The following PRICKLE1 variants were observed in gnomAD, a reference collection of about 807,000 sequenced individuals.
PRICKLE1 encodes prickle-like protein 1.
A neutral mutation model predicts 70.2 loss-of-function variants in PRICKLE1; 14 were observed. That is an observed-to-expected ratio of 0.20 (90% CI 0.13 to 0.31). PRICKLE1 has a LOEUF of 0.31. Ranked by LOEUF, PRICKLE1 falls within the 10% of genes least tolerant of loss-of-function variation. The probability of loss-of-function intolerance (pLI) is 1.00; values close to 1 mark genes in which losing one functional copy is unlikely to be tolerated. For synonymous variants in PRICKLE1, 357 were observed against 379.9 expected, an observed-to-expected ratio of 0.94 and a Z score of 0.70; for missense variants, 821 against 1,026.2, an observed-to-expected ratio of 0.80 and a Z score of 2.73.
At chr12:42,541,561 C>T (rs1360511371) in intron 1 of PRICKLE1, among the ~76,000 whole-genome samples, 7 of 152,214 alleles carry the variant, frequency 4.6e-5, no homozygotes, top group Middle Eastern at 6.8e-3. Flanking sequence ...TGGTCTCAAA[C>T]TCCTGGGCTC....
intron 1 of PRICKLE1, among the ~76,000 whole-genome samples, chr12:42,535,703 G>A (rs548575703): frequency 6.6e-6 from 1 of 152,284 alleles, no homozygotes; most frequent in East Asian, 1.9e-4. Context: ...AGGATTGCTT[G>A]AGCCCAATAG....
chr12:42,554,890 T>C (rs1467788120), intron 1 of PRICKLE1, among the ~76,000 whole-genome samples: 1 of 152,122 alleles, frequency 6.6e-6, no homozygotes, highest in African/African-American at 2.4e-5. Flanking sequence ...TTATTTTTTT[T>C]TTTTTTCTTA....
chr12:42,549,623 A>G (rs1033648588), intron 1 of PRICKLE1, among the ~76,000 whole-genome samples: 1 of 152,112 alleles, frequency 6.6e-6, no homozygotes, highest in East Asian at 1.9e-4. Context: ...ACAAGTCCCC[A>G]TAGACCCTTC....
chr12:42,537,180 C>G (rs1427412287), intron 1 of PRICKLE1, among the ~76,000 whole-genome samples: 1 of 151,820 alleles, frequency 6.6e-6, no homozygotes, highest in Non-Finnish European at 1.5e-5. Context: ...ACTCTGTCAC[C>G]CAGGCTGGAG....
At chr12:42,521,660 C>A (rs542836529) in intron 1 of PRICKLE1, among the ~76,000 whole-genome samples, 55 of 151,996 alleles carry the variant, frequency 3.6e-4, no homozygotes, top group African/African-American at 1.3e-3. Context: ...GAGATTGCAC[C>A]ACTGCACTCC....
chr12:42,501,063 G>A (rs539876834), intron 1 of PRICKLE1, among the ~76,000 whole-genome samples: 3 of 152,156 alleles, frequency 2.0e-5, no homozygotes, highest in Non-Finnish European at 4.4e-5. Context: ...TTTGGTGGGA[G>A]CGATTTAATG....
intron 1 of PRICKLE1, among the ~76,000 whole-genome samples, chr12:42,579,937 T>C (rs1429137775): frequency 2.6e-5 from 4 of 152,050 alleles, no homozygotes; most frequent in Non-Finnish European, 5.9e-5. Context: ...AATGGCGCAA[T>C]CTTGGCTCAC....
In PRICKLE1 at chr12:42,545,129, G is replaced by A. The variant is rs187926496; in HGVS notation, c.-49+44336C>T. Among the ~76,000 whole-genome samples, 12 of 152,100 alleles carry A rather than the reference G, an allele frequency of 7.9e-5. No homozygotes were observed. In the East Asian group the frequency reaches 1.9e-3, roughly 25 times the overall value. Reference sequence around the variant, plus strand: ...AGTGATCCTCCTGCTTCAGCCTCCTGAGTAGCTGGGACTACAGGTGCGCAT... The same window carrying A: ...AGTGATCCTCCTGCTTCAGCCTCCTAAGTAGCTGGGACTACAGGTGCGCAT... On this transcript the variant is annotated intron_variant, in intron 1 of 7. Coordinates refer to ENST00000345127, the MANE Select transcript of PRICKLE1 (RefSeq NM_153026.3).
intron 7 of PRICKLE1, among the ~76,000 whole-genome samples, chr12:42,461,149 G>A (rs1937817004): frequency 6.6e-6 from 1 of 152,212 alleles, no homozygotes; most frequent in South Asian, 2.1e-4. Context: ...CCACAGTGCT[G>A]GGTTTACAGG....
At chr12:42,535,605 G>C (rs1020183237) in intron 1 of PRICKLE1, among the ~76,000 whole-genome samples, 3 of 152,186 alleles carry the variant, frequency 2.0e-5, no homozygotes, top group Admixed American at 6.5e-5. Flanking sequence ...GCAGCCAACA[G>C]AGTAGGAAGC....
chr12:42,476,244 G>A lies in PRICKLE1; in HGVS notation c.-48-3680C>T, dbSNP rs185934674. 1.1e-4 allele frequency among the ~76,000 whole-genome samples: 16 copies of A among 149,694 alleles called. No individual in the cohort carries two copies. The East Asian group carries it at 2.2e-3, about 21-fold the overall frequency. On this transcript the variant is annotated intron_variant, in intron 1 of 7. Transcript: ENST00000345127. ...GTTACCCAGGCTGGAATGCAATGGC[G>A]CCATCTTGGCTCACCGCAACCTCTG...
intron 1 of PRICKLE1, among the ~76,000 whole-genome samples, chr12:42,493,160 A>G (rs12309609): frequency 0.037 from 5,693 of 152,296 alleles, 356 homozygotes; most frequent in African/African-American, 0.13. Context: ...CCTATTATTT[A>G]ATAGCACAAC....
At chr12:42,535,449 G>C (rs1940001101) in intron 1 of PRICKLE1, among the ~76,000 whole-genome samples, 1 of 152,174 alleles carries the variant, frequency 6.6e-6, no homozygotes, top group African/African-American at 2.4e-5. Flanking sequence ...AGTCAGTATA[G>C]AGGAAACTGA....
chr12:42,570,520 A>G (rs1415942745), intron 1 of PRICKLE1, among the ~76,000 whole-genome samples: 1 of 152,224 alleles, frequency 6.6e-6, no homozygotes, highest in African/African-American at 2.4e-5. Context: ...TGTGCCTCTT[A>G]AAAGTAAAAA....
intron 1 of PRICKLE1, among the ~76,000 whole-genome samples, chr12:42,476,564 C>T (rs1460204190): frequency 6.6e-6 from 1 of 152,248 alleles, no homozygotes; most frequent in Admixed American, 6.5e-5. Context: ...GATCTGCCCG[C>T]TTTGGCCTCC....
chr12:42,496,484 A>G (rs7300115), intron 1 of PRICKLE1, among the ~76,000 whole-genome samples: 3,250 of 152,274 alleles, frequency 0.021, 110 homozygotes, highest in African/African-American at 0.067. Context: ...CTAACTAGAG[A>G]GTCAGCCTGT....
intron 1 of PRICKLE1, among the ~76,000 whole-genome samples, chr12:42,515,019 C>T (rs888719713): frequency 6.6e-6 from 1 of 152,014 alleles, no homozygotes; most frequent in African/African-American, 2.4e-5. Context: ...TTCCGCCTCC[C>T]AGGTTCAAGG....
Position 42,519,184 on chromosome 12 carries a change from CT to C in PRICKLE1, c.-48-46621del, listed in dbSNP as rs1243248604. On this transcript the variant is annotated intron_variant, in intron 1 of 7. Coordinates refer to ENST00000345127, the MANE Select transcript of PRICKLE1 (RefSeq NM_153026.3). Reference sequence around the variant, plus strand: ...GTGTTGCTTTACTGAATTTCCTTTCCTTTTTTTCCTTTTTTTTTTTTTTTTT... The same window carrying C: ...GTGTTGCTTTACTGAATTTCCTTTCCTTTTTTCCTTTTTTTTTTTTTTTTT... 1.1e-3 allele frequency among the ~76,000 whole-genome samples: 126 copies of C among 111,374 alleles called. 1 individual carries two copies. The South Asian group carries it at 0.017, about 15-fold the overall frequency. The allele number at this position is 111,374 out of a possible 152,430, so 73.1% of individuals were successfully genotyped here. A position where few individuals can be genotyped will look rare whatever the true frequency, so the allele number is the denominator to read the frequency against.
At chr12:42,537,557 A>G (rs1228188750) in intron 1 of PRICKLE1, among the ~76,000 whole-genome samples, 1 of 152,318 alleles carries the variant, frequency 6.6e-6, no homozygotes, top group East Asian at 1.9e-4. Context: ...AGGCTTGAAT[A>G]CCAACTCTGT....
Sources: allele counts gnomAD v4.1 joint callset (sites outside exome capture counted in the v4.1 genomes callset), GRCh38; gene constraint gnomAD v4.1.1; transcripts MANE v1.5; gene names NCBI Gene and HGNC (gene_info 2026-07-23, HGNC 2026-07-21).